Variants in ZNF621 observed in about 807,000 individuals in gnomAD.
ZNF621 encodes the protein zinc finger protein 621.
ZNF621 carries 6 observed loss-of-function variants against 12.7 expected under a neutral mutation model. That is an observed-to-expected ratio of 0.47 (90% confidence interval 0.26 to 0.93). The LOEUF (loss-of-function observed/expected upper bound fraction) is 0.93, where lower values mean the gene tolerates loss of function less well. Among genes scored for constraint, ZNF621 ranks in the 40% least tolerant of loss-of-function variants. The pLI, the probability that ZNF621 is intolerant of heterozygous loss-of-function variation, is 0.15. For missense variants in ZNF621, 474 were observed against 524.0 expected (o/e 0.90, Z 0.93); for synonymous variants, 156 against 190.3 (o/e 0.82, Z 1.48).
chr3:40,533,636 T>G lies in ZNF621; in HGVS notation c.*546T>G, dbSNP rs1575310866. 6.5e-6 allele frequency: 1 copy of G among 154,458 alleles called. No individual in the cohort carries two copies. Among genetic ancestry groups the G allele is most frequent in the African/African-American group, 2.4e-5 (1 of 41,470 alleles). 9.6% of individuals were successfully genotyped at this position (154,458 alleles called of 1,614,324 possible). A position where few individuals can be genotyped will look rare whatever the true frequency, so the allele number is the denominator to read the frequency against. ...TTGAACAACAGTGGCTGTATCTGCA[T>G]CGTGGGGTTGCTGGTGGTAGAACAC... On this transcript the variant is annotated 3_prime_UTR_variant, in exon 5 of 5. Transcript: ENST00000339296.
Position 40,538,240 on chromosome 3 carries a change from T to G in ZNF621, c.*5150T>G, listed in dbSNP as rs530338178. ...TAGGAAAAAAGAATTCTGTCAGGTG[T>G]GGTGGCTCACACTTGTAATCCCAAC... is the stretch of plus-strand genomic sequence containing the variant. On this transcript the variant is annotated 3_prime_UTR_variant, in exon 5 of 5. Transcript: ENST00000339296. The G allele has an allele frequency of 2.4e-6, 1 of 420,302 alleles. No individual in the cohort carries two copies. Among genetic ancestry groups the G allele is most frequent in the Admixed American group, 2.7e-5 (1 of 37,552 alleles). 26.0% of individuals were successfully genotyped at this position (420,302 alleles called of 1,614,324 possible).
At chr3:40,523,800 A>AAAAAAAACAAAAAAC (rs373747734), upstream of ZNF621, among the ~76,000 whole-genome samples, 1 of 147,676 alleles carries the variant, frequency 6.8e-6, no homozygotes, top group Non-Finnish European at 1.5e-5. Context: ...AGCAAAAAAA[A>AAAAAAAACAAAAAAC]AAAAAACAAA....
rs747214879 is a variant in ZNF621 at position 40,532,155 on chromosome 3, A to G, written c.385A>G (p.Arg129Gly). The part of the protein sequence containing the change: ...RNVSQHFDFK[R>G]KALKQTFNLN... ...CGTTTCTCAGCACTTTGATTTTAAA[A>G]GGAAGGCACTGAAGCAGACTTTCAA... The change falls in exon 5 of 5, where the codon AGG (arginine) becomes GGG (glycine). Residue 129 changes from arginine (R) to glycine (G), a missense_variant. By Grantham distance (125) the Arg-to-Gly change is moderately radical (BLOSUM62 -2). Coordinates refer to ENST00000339296, the MANE Select transcript of ZNF621 (RefSeq NM_198484.5). 9 of 1,614,106 alleles carry G rather than the reference A, an allele frequency of 5.6e-6. No individual in the cohort carries two copies. In the Admixed American group the frequency reaches 1.5e-4, roughly 27 times the overall value.
chr3:40,523,581 C>T (rs1227373011), upstream of ZNF621, among the ~76,000 whole-genome samples: 2 of 152,106 alleles, frequency 1.3e-5, no homozygotes, highest in African/African-American at 2.4e-5. Flanking sequence ...CTGGCTAACA[C>T]GGTGAAAACC....
chr3:40,525,375 T>A (rs1698551933), intron 1 of ZNF621, 101 bp downstream of exon 1: 1 of 195,778 alleles, frequency 5.1e-6, no homozygotes, highest in African/African-American at 2.4e-5. Context: ...ACTGGGACGC[T>A]GAGTATTTTA....
intron 2 of ZNF621, among the ~76,000 whole-genome samples, chr3:40,527,829 C>T (rs539197597): frequency 3.2e-4 from 48 of 152,262 alleles, no homozygotes; most frequent in African/African-American, 1.1e-3. Flanking sequence ...TACCCTGAAA[C>T]GATTCAACAC....
rs1053971393 is a variant in ZNF621 at position 40,532,375 on chromosome 3, T to C, written c.605T>C (p.Ile202Thr). The C allele has an allele frequency of 3.9e-5, 63 of 1,612,028 alleles. No homozygotes were observed. Among genetic ancestry groups the C allele is most frequent in the Non-Finnish European group, 5.1e-5 (60 of 1,179,742 alleles). ...YDCIVHEKNH[I>T]GEGPYECKEC... The stretch of plus-strand genomic sequence containing the variant: ...TGTATTGTACATGAGAAAAACCACA[T>C]TGGAGAAGGGCCCTATGAATGTAAG... Residue 202 changes from isoleucine to threonine, a missense_variant, in exon 5 of 5, where the codon ATT (isoleucine) becomes ACT (threonine). Physicochemically the swap from Ile to Thr is moderately conservative, Grantham distance 89. Transcript: ENST00000339296.
At position 40,535,540 on chromosome 3, in the gene ZNF621, G is replaced by C. The variant is rs1020531359; in HGVS notation, c.*2450G>C. 3.3e-5 allele frequency: 5 copies of C among 152,232 alleles called. No individual in the cohort carries two copies. The highest frequency in any genetic ancestry group is 5.9e-5 in the Non-Finnish European group (4 of 68,020). 9.4% of individuals were successfully genotyped at this position (152,232 alleles called of 1,614,324 possible). A position where few individuals can be genotyped will look rare whatever the true frequency, so the allele number is the denominator to read the frequency against. On this transcript the variant is annotated 3_prime_UTR_variant, in exon 5 of 5. Transcript: ENST00000339296. ...CTGCCACCCCCCATTGAAGAGACTG[G>C]ACCACCAGGAAGGTCGTTTCACATT... is the stretch of plus-strand genomic sequence containing the variant.
chr3:40,527,004 C>T lies in ZNF621; in HGVS notation c.24+1140C>T, dbSNP rs187638568. 1.2e-4 allele frequency among the ~76,000 whole-genome samples: 18 copies of T among 152,084 alleles called. 1 individual carries two copies. Among genetic ancestry groups the T allele is most frequent in the African/African-American group, 4.3e-4 (18 of 41,488 alleles). ...CCAAGTAGCTGGGATTACAGGCATG[C>T]ACCTGTTTTTTGTTTGTTTGTTTGT... On this transcript the variant is annotated intron_variant, in intron 2 of 4. Transcript: ENST00000339296.
rs1256019799 is a variant in ZNF621, at chr3:40,532,327, A to G, written c.557A>G (p.Lys186Arg). ...EKPFKCKECGKAFKSSYDCIV... is the reference protein window; with the variant it reads ...EKPFKCKECGRAFKSSYDCIV... ...CCCTTTAAGTGTAAGGAGTGTGGCA[A>G]AGCTTTCAAGTCCAGCTATGATTGT... Residue 186 changes from lysine (K) to arginine (R), a missense_variant, in exon 5 of 5, where the codon AAA becomes AGA. Coordinates refer to ENST00000339296, the MANE Select transcript of ZNF621 (RefSeq NM_198484.5). The G allele has an allele frequency of 8.1e-6, 13 of 1,612,270 alleles. No homozygotes were observed.
At chr3:40,529,573 T>G in intron 3 of ZNF621, 128 bp downstream of exon 3, 4 of 1,580,132 alleles carry the variant, frequency 2.5e-6, no homozygotes, top group Non-Finnish European at 3.5e-6. Flanking sequence ...CCAGAAATAC[T>G]GGGTAGGGAA....
chr3:40,523,707 A>G (rs1476492440), upstream of ZNF621, among the ~76,000 whole-genome samples: 2 of 151,974 alleles, frequency 1.3e-5, no homozygotes, highest in African/African-American at 4.8e-5. Flanking sequence ...CAGAGCTTGC[A>G]GTGAGCCGAG....
In ZNF621 at chr3:40,537,624, T is replaced by TA. The variant is rs1698901853; in HGVS notation, c.*4535dup. On this transcript the variant is annotated 3_prime_UTR_variant, in exon 5 of 5. Transcript: ENST00000339296. ...AAAAGTGAAACAGCATTATTACTGATATGGAGAAAGTTTTAGGGGTCTGGA... is the reference window on the plus strand; with the variant it reads ...AAAAGTGAAACAGCATTATTACTGATAATGGAGAAAGTTTTAGGGGTCTGGA... 6.6e-6 allele frequency: 1 copy of TA among 152,452 alleles called. No individual in the cohort carries two copies. The highest frequency in any genetic ancestry group is 1.5e-5 in the Non-Finnish European group (1 of 68,318). 9.4% of individuals were successfully genotyped at this position (152,452 alleles called of 1,614,324 possible). A position where few individuals can be genotyped will look rare whatever the true frequency, so the allele number is the denominator to read the frequency against.
chr3:40,525,543 T>C, intron 1 of ZNF621: 1 of 591,420 alleles, frequency 1.7e-6, no homozygotes, highest in Non-Finnish European at 3.0e-6. Context: ...AGTTTACCCG[T>C]ACGAATGGGC....
At chr3:40,524,433 G>A (rs1190199704), upstream of ZNF621, among the ~76,000 whole-genome samples, 1 of 152,196 alleles carries the variant, frequency 6.6e-6, no homozygotes, top group Non-Finnish European at 1.5e-5. Flanking sequence ...GGGTGTTTTG[G>A]TTGTTAAATG....
rs536197544 is a variant in ZNF621 at position 40,534,685 on chromosome 3, T to C, written c.*1595T>C. On this transcript the variant is annotated 3_prime_UTR_variant, in exon 5 of 5. Coordinates refer to ENST00000339296, the MANE Select transcript of ZNF621 (RefSeq NM_198484.5). The stretch of plus-strand genomic sequence containing the variant: ...AGCATGGACCATACTTTGAGAGATA[T>C]GCTTCAAACAGAAAATGCCCACCCC... 1.3e-5 allele frequency: 2 copies of C among 152,184 alleles called. No individual in the cohort carries two copies. Among genetic ancestry groups the C allele is most frequent in the East Asian group, 3.9e-4 (2 of 5,182 alleles). 9.4% of individuals were successfully genotyped at this position (152,184 alleles called of 1,614,324 possible). A position where few individuals can be genotyped will look rare whatever the true frequency, so the allele number is the denominator to read the frequency against.
rs1401751034 is a variant in ZNF621 at position 40,538,123 on chromosome 3, G to T, written c.*5033G>T. Among the ~76,000 whole-genome samples, 1 of 152,212 alleles carries T rather than the reference G, an allele frequency of 6.6e-6. No homozygotes were observed. Among genetic ancestry groups the T allele is most frequent in the Non-Finnish European group, 1.5e-5 (1 of 68,034 alleles). ...CTAAATCCACTCTGCCTGTGCTCTA[G>T]AAATGGAAGATCAAAGCCTGGATGA... On this transcript the variant is annotated 3_prime_UTR_variant, in exon 5 of 5. Coordinates refer to ENST00000339296, the MANE Select transcript of ZNF621 (RefSeq NM_198484.5).
chr3:40,524,379 C>T (rs899265725), upstream of ZNF621, among the ~76,000 whole-genome samples: 1 of 152,190 alleles, frequency 6.6e-6, no homozygotes, highest in Non-Finnish European at 1.5e-5. Context: ...TAATATAGGA[C>T]ATGTCCTGTG....
Position 40,533,193 on chromosome 3 carries a change from T to G in ZNF621, c.*103T>G, listed in dbSNP as rs1698780549. ...TCTTGCTCTGTCACCCAGGCTAGAG[T>G]GCGGTGGTGTGATCTTGGCTCACTG... On this transcript the variant is annotated 3_prime_UTR_variant, in exon 5 of 5. Coordinates refer to ENST00000339296, the MANE Select transcript of ZNF621 (RefSeq NM_198484.5). The G allele has an allele frequency of 6.9e-7, 1 of 1,458,488 alleles. No homozygotes were observed. The highest frequency in any genetic ancestry group is 1.5e-5 in the South Asian group (1 of 68,022). The allele number at this position is 1,458,488 out of a possible 1,614,324, so 90.3% of individuals were successfully genotyped here.
Sources: gnomAD v4.1 joint callset for allele counts (sites outside exome capture counted in the v4.1 genomes callset) on GRCh38, gnomAD v4.1.1 for gene constraint, MANE v1.5 for transcripts, NCBI Gene and HGNC (gene_info 2026-07-23, HGNC 2026-07-21) for gene names.